The following NOL4 variants were observed in gnomAD, a reference collection of about 807,000 sequenced individuals.
NOL4 encodes the protein nucleolar protein 4.
Under a neutral mutation model 75.9 loss-of-function variants are expected in NOL4, and 17 were observed. That is an observed-to-expected ratio of 0.22 (90% CI 0.15 to 0.34). The LOEUF (loss-of-function observed/expected upper bound fraction) is 0.34. Among genes scored for constraint, NOL4 ranks in the 10% least tolerant of loss-of-function variants. The pLI is 1.00. For synonymous variants in NOL4, 292 were observed against 289.9 expected (o/e 1.01, Z -0.07); for missense variants, 614 against 793.5 (o/e 0.77, Z 2.72).
intron 1 of NOL4, among the ~76,000 whole-genome samples, chr18:34,186,913 A>T (rs1168394668): frequency 1.3e-5 from 2 of 152,174 alleles, no homozygotes; most frequent in African/African-American, 4.8e-5. Flanking sequence ...GCAAAACTGG[A>T]CAGAAAGTAA....
chr18:33,899,488 G>A (rs1342707373), intron 9 of NOL4, among the ~76,000 whole-genome samples: 2 of 152,140 alleles, frequency 1.3e-5, no homozygotes, highest in Non-Finnish European at 2.9e-5. Flanking sequence ...CTGCAGCCAG[G>A]AGAAGTTGCT....
chr18:34,223,194 C>G lies in NOL4; in HGVS notation c.60G>C (p.Gly20=). The change falls in exon 1 of 11, where the codon GGG becomes GGC. Residue 20 remains glycine, a synonymous_variant. Coordinates refer to ENST00000261592, the MANE Select transcript of NOL4 (RefSeq NM_003787.5). ...TCACCGTCTTGGTCTTGCCTGAGTC[C>G]CCGTAAGTCCTGAGGCACCAGTCCT... ...QFQDWCLRTY[G]DSGKTKTVTR... is the part of the protein sequence containing the mutation. The G allele has an allele frequency of 6.2e-7, 1 of 1,614,174 alleles. No individual in the cohort carries two copies. The highest frequency in any genetic ancestry group is 8.5e-7 in the Non-Finnish European group (1 of 1,180,044).
intron 9 of NOL4, among the ~76,000 whole-genome samples, chr18:33,926,541 T>C (rs746735782): frequency 6.6e-6 from 1 of 152,068 alleles, no homozygotes; most frequent in Non-Finnish European, 1.5e-5. Flanking sequence ...AAGAAAGACA[T>C]TGGTAGAGTA....
intron 5 of NOL4, among the ~76,000 whole-genome samples, chr18:34,089,269 T>TA (rs201296313): frequency 4.1e-4 from 63 of 151,824 alleles, no homozygotes; most frequent in Middle Eastern, 3.4e-3. Flanking sequence ...CACTTAATGT[T>TA]AAAAAAAAAT....
At chr18:34,219,406 C>A (rs1346774093) in intron 1 of NOL4, among the ~76,000 whole-genome samples, 1 of 152,126 alleles carries the variant, frequency 6.6e-6, no homozygotes, top group South Asian at 2.1e-4. Context: ...TTAAAAAGAG[C>A]GTTTAATAAA....
At chr18:34,001,067 A>G (rs1055373655) in intron 6 of NOL4, among the ~76,000 whole-genome samples, 21 of 152,172 alleles carry the variant, frequency 1.4e-4, no homozygotes, top group African/African-American at 5.1e-4. Context: ...ATGTTCCTAT[A>G]TTTTAGAAAT....
intron 6 of NOL4, among the ~76,000 whole-genome samples, chr18:33,980,166 G>A (rs2071834111): frequency 6.6e-6 from 1 of 152,028 alleles, no homozygotes; most frequent in Non-Finnish European, 1.5e-5. Flanking sequence ...CAGGTAGATA[G>A]AGAGAATCAC....
intron 9 of NOL4, among the ~76,000 whole-genome samples, chr18:33,918,975 CTATA>C (rs1438880421): frequency 1.3e-5 from 2 of 151,836 alleles, no homozygotes; most frequent in Non-Finnish European, 2.9e-5. Flanking sequence ...TATTAGTAAT[CTATA>C]TATAGAGATT....
At chr18:34,211,949 A>C (rs1486606720) in intron 1 of NOL4, among the ~76,000 whole-genome samples, 1 of 152,150 alleles carries the variant, frequency 6.6e-6, no homozygotes, top group Non-Finnish European at 1.5e-5. Flanking sequence ...AAATAAGTTA[A>C]AAAAATAAAA....
intron 6 of NOL4, among the ~76,000 whole-genome samples, chr18:34,007,834 T>C (rs747055964): frequency 1.3e-5 from 2 of 152,000 alleles, no homozygotes; most frequent in Non-Finnish European, 2.9e-5. Context: ...GTTATTTTTT[T>C]TTATTTGGAG....
chr18:34,093,475 G>A lies in NOL4; in HGVS notation c.762C>T (p.Gly254=). The change falls in exon 5 of 11, where the codon GGC becomes GGT. Residue 254 remains glycine (G), a synonymous_variant. Coordinates refer to ENST00000261592, the MANE Select transcript of NOL4 (RefSeq NM_003787.5). ...AACTGAAAGGCTTACCATCTTGCTG[G>A]CCATGAAGATTCTGGGGACTTTGCA... ...ERMQSPQNLH[G]QQDDDSAAES... The A allele has an allele frequency of 6.3e-7, 1 of 1,579,548 alleles. No homozygotes were observed. Among genetic ancestry groups the A allele is most frequent in the Non-Finnish European group, 8.6e-7 (1 of 1,160,944 alleles).
At position 34,038,453 on chromosome 18, in the gene NOL4, T is replaced by TGA. The variant is rs555415041; in HGVS notation, c.773-18853_773-18852insTC. On this transcript the variant is annotated intron_variant, in intron 5 of 10. Coordinates refer to ENST00000261592, the MANE Select transcript of NOL4 (RefSeq NM_003787.5). The stretch of plus-strand genomic sequence containing the variant: ...TACACTAGCATGTTTATTGTAGCAC[T>TGA]ATTCAAAATAGCAAAAATATGGAAT... Among the ~76,000 whole-genome samples the TGA allele has an allele frequency of 2.6e-5, 4 of 152,218 alleles. No individual in the cohort carries two copies. The South Asian group carries it at 8.3e-4, about 32-fold the overall frequency.
chr18:33,897,724 G>A (rs955029122), intron 9 of NOL4, among the ~76,000 whole-genome samples: 7 of 151,908 alleles, frequency 4.6e-5, no homozygotes, highest in African/African-American at 1.5e-4. Flanking sequence ...GTTTGACTAC[G>A]TAACAAACCT....
At chr18:33,960,665 A>G (rs1426542230) in intron 6 of NOL4, among the ~76,000 whole-genome samples, 2 of 152,156 alleles carry the variant, frequency 1.3e-5, no homozygotes, top group Non-Finnish European at 2.9e-5. Flanking sequence ...TTTTAAATAT[A>G]TGACTCATTT....
intron 9 of NOL4, among the ~76,000 whole-genome samples, chr18:33,885,161 T>A (rs1493920): frequency 0.77 from 116,367 of 151,678 alleles, 44,661 homozygotes; most frequent in East Asian, 0.83. Context: ...TTACTTTTTT[T>A]AAAAAAAATC....
At chr18:33,952,930 A>C (rs1187514315) in intron 8 of NOL4, among the ~76,000 whole-genome samples, 2 of 152,216 alleles carry the variant, frequency 1.3e-5, no homozygotes, top group East Asian at 1.9e-4. Context: ...GTCTCAAAAA[A>C]ACAAAATGTT....
At chr18:34,101,986 T>C (rs2079062269) in intron 4 of NOL4, among the ~76,000 whole-genome samples, 2 of 152,050 alleles carry the variant, frequency 1.3e-5, no homozygotes, top group Admixed American at 1.3e-4. Flanking sequence ...TCCAACCATG[T>C]TGACTGTCTT....
At chr18:34,000,367 C>CGATTCAACACTCTGTTGGGTATTTAG (rs147370599) in intron 6 of NOL4, among the ~76,000 whole-genome samples, 1,737 of 152,106 alleles carry the variant, frequency 0.011, 31 homozygotes, top group African/African-American at 0.04. Context: ...TACTATACCA[C>CGATTCAACACTCTGTTGGGTATTTAG]GATTCAACAC....
intron 9 of NOL4, among the ~76,000 whole-genome samples, chr18:33,906,332 C>T (rs191079132): frequency 6.6e-6 from 1 of 152,222 alleles, no homozygotes; most frequent in Admixed American, 6.5e-5. Context: ...TTCCCCTTCC[C>T]TTAACATAAA....
Sources: gnomAD v4.1 joint callset for allele counts (sites outside exome capture counted in the v4.1 genomes callset) on GRCh38, gnomAD v4.1.1 for gene constraint, MANE v1.5 for transcripts, NCBI Gene and HGNC (gene_info 2026-07-23, HGNC 2026-07-21) for gene names.